KIAA0586: variants seen among roughly 807,000 people sequenced by gnomAD.
The protein encoded by KIAA0586 is protein TALPID3.
In KIAA0586, 144 loss-of-function variants were observed where a neutral mutation model predicts 169.8. The observed-to-expected ratio is 0.85, with a 90% CI of 0.74 to 0.97. The LOEUF is 0.97. KIAA0586 is among the 50% of genes least tolerant of loss of function. KIAA0586 has a pLI of 0.00. For synonymous variants in KIAA0586, 625 were observed against 612.4 expected (o/e 1.02, Z -0.30); for missense variants, 1,854 against 1,823.0 (o/e 1.02, Z -0.31).
chr14:58,444,860 T>G (rs1294347633), intron 6 of KIAA0586, among the ~76,000 whole-genome samples: 4 of 148,398 alleles, frequency 2.7e-5, no homozygotes, highest in African/African-American at 1.0e-4. Context: ...GAGGATTGCT[T>G]GAGGCCGAGA....
rs751707374 is a variant in KIAA0586, at chr14:58,517,555, CTGTT to C, written c.4429+4931_4429+4934del. Among the ~76,000 whole-genome samples the C allele has an allele frequency of 1.6e-4, 25 of 152,290 alleles. 1 individual carries two copies. The East Asian group carries it at 4.2e-3, about 26-fold the overall frequency. Reference sequence around the variant, plus strand: ...AGAATGCAACATGCACCTTGGAAAACTGTTTGACAGTTTCTTATAAAATTAAACA... The same window carrying C: ...AGAATGCAACATGCACCTTGGAAAACTGACAGTTTCTTATAAAATTAAACA... On this transcript the variant is annotated intron_variant, in intron 29 of 30. Coordinates refer to ENST00000652326, the MANE Select transcript of KIAA0586 (RefSeq NM_001329943.3).
intron 26 of KIAA0586, among the ~76,000 whole-genome samples, chr14:58,492,792 C>T (rs148785559): frequency 1.9e-3 from 293 of 152,280 alleles, no homozygotes; most frequent in East Asian, 0.011. Context: ...TAGGACTTTG[C>T]AGGCAGCAAC....
At chr14:58,507,094 G>C (rs953671254) in intron 27 of KIAA0586, among the ~76,000 whole-genome samples, 1 of 150,876 alleles carries the variant, frequency 6.6e-6, no homozygotes, top group Non-Finnish European at 1.5e-5. Flanking sequence ...GATGCAGGGG[G>C]CCATGATCAT....
At position 58,429,364 on chromosome 14, in the gene KIAA0586, T is replaced by C. The variant is rs750714192; in HGVS notation, c.201T>C (p.Gly67=). 4 of 1,574,652 alleles carry C rather than the reference T, an allele frequency of 2.5e-6. No individual in the cohort carries two copies. In the East Asian group the frequency reaches 6.7e-5, roughly 27 times the overall value. Residue 67 remains glycine (G), a splice_region_variant and synonymous_variant, in exon 2 of 31, where the codon GGT becomes GGC. Coordinates refer to ENST00000652326, the MANE Select transcript of KIAA0586 (RefSeq NM_001329943.3). ...AAATCTATTCCTTTGTTTTGTTAGG[T>C]TCATCAGACTTAACTTCTGCTAGAA... The part of the protein sequence containing the change: ...TGTSLNGTSR[G]SSDLTSARNC...
intron 30 of KIAA0586, among the ~76,000 whole-genome samples, chr14:58,541,727 A>C (rs2046646316): frequency 2.6e-5 from 4 of 152,250 alleles, no homozygotes; most frequent in Admixed American, 6.5e-5. Flanking sequence ...TAAAGCAAAA[A>C]ATTGGAATTT....
intron 29 of KIAA0586, among the ~76,000 whole-genome samples, chr14:58,527,211 G>C (rs951224851): frequency 6.6e-6 from 1 of 152,180 alleles, no homozygotes; most frequent in Non-Finnish European, 1.5e-5. Context: ...TATGTGAAAA[G>C]ACCAAACCTA....
intron 20 of KIAA0586, among the ~76,000 whole-genome samples, chr14:58,477,564 A>G (rs1566862951): frequency 6.6e-6 from 1 of 152,154 alleles, no homozygotes; most frequent in Non-Finnish European, 1.5e-5. Flanking sequence ...CACTCTTTAT[A>G]CTATAAATTA....
At chr14:58,536,599 C>T (rs977332019) in intron 29 of KIAA0586, among the ~76,000 whole-genome samples, 8 of 152,172 alleles carry the variant, frequency 5.3e-5, no homozygotes, top group Middle Eastern at 3.4e-3. Flanking sequence ...ATATTTTGAA[C>T]GACTATTTGA....
Position 58,482,707 on chromosome 14 carries a change from T to A in KIAA0586, c.3139T>A (p.Leu1047Met), listed in dbSNP as rs1555390967. 1 of 1,556,482 alleles carries A rather than the reference T, an allele frequency of 6.4e-7. No homozygotes were observed. Among genetic ancestry groups the A allele is most frequent in the Non-Finnish European group, 8.7e-7 (1 of 1,152,288 alleles). ...GGATGCTTCAACAAATGAAACATAT[T>A]TGCCGGTATGGGGAATTTTTGAGAC... is the stretch of plus-strand genomic sequence containing the variant. The part of the protein sequence containing the change: ...SGDASTNETY[L>M]PARVCTPLPT... The change falls in exon 21 of 31, where the codon TTG becomes ATG. Residue 1047 changes from leucine to methionine, a missense_variant. Coordinates refer to ENST00000652326, the MANE Select transcript of KIAA0586 (RefSeq NM_001329943.3).
intron 4 of KIAA0586, among the ~76,000 whole-genome samples, chr14:58,438,487 G>A (rs2038023766): frequency 6.6e-6 from 1 of 152,028 alleles, no homozygotes; most frequent in South Asian, 2.1e-4. Flanking sequence ...CTTGCTGTTT[G>A]GTATGAAAGA....
chr14:58,515,489 A>AT (rs1458310064), intron 29 of KIAA0586, among the ~76,000 whole-genome samples: 2 of 152,112 alleles, frequency 1.3e-5, no homozygotes, highest in African/African-American at 4.8e-5. Flanking sequence ...ACGTGCGCAA[A>AT]TTATTTTTCT....
chr14:58,493,627 A>G (rs2042962149), intron 26 of KIAA0586, among the ~76,000 whole-genome samples: 2 of 152,194 alleles, frequency 1.3e-5, no homozygotes, highest in South Asian at 2.1e-4. Context: ...AAGATATAAA[A>G]TTTAGTAATG....
chr14:58,427,967 G>C lies in KIAA0586; in HGVS notation c.-298G>C, dbSNP rs187063580. Reference sequence around the variant, plus strand: ...TGTTTGGTTTTGCCCTACCAGCTCTGGGGTTGGGGAGTGCACTGTTATGGT... The same window carrying C: ...TGTTTGGTTTTGCCCTACCAGCTCTCGGGTTGGGGAGTGCACTGTTATGGT... On this transcript the variant is annotated 5_prime_UTR_variant, in exon 1 of 31. Coordinates refer to ENST00000652326, the MANE Select transcript of KIAA0586 (RefSeq NM_001329943.3). 3 of 1,409,576 alleles carry C rather than the reference G, an allele frequency of 2.1e-6. No individual in the cohort carries two copies. The African/African-American group carries it at 4.3e-5, about 20-fold the overall frequency. 87.3% of individuals were successfully genotyped at this position (1,409,576 alleles called of 1,614,324 possible). A position where few individuals can be genotyped will look rare whatever the true frequency, so the allele number is the denominator to read the frequency against.
chr14:58,555,171 G>C (rs531511311), downstream of KIAA0586, among the ~76,000 whole-genome samples: 1 of 147,214 alleles, frequency 6.8e-6, no homozygotes, highest in South Asian at 2.1e-4. Context: ...CACAATCTCG[G>C]CTCACTTCAA....
chr14:58,561,964 A>C, the KIAA0586 span, among the ~76,000 whole-genome samples: 1 of 152,232 alleles, frequency 6.6e-6, no homozygotes, highest in South Asian at 2.1e-4. Flanking sequence ...CCTTTTCATG[A>C]AGGAGGGACT....
chr14:58,451,885 A>G (rs1478220295), intron 8 of KIAA0586, among the ~76,000 whole-genome samples: 1 of 151,986 alleles, frequency 6.6e-6, no homozygotes, highest in Non-Finnish European at 1.5e-5. Context: ...GGGTTTCACC[A>G]TGTTAGCCAG....
chr14:58,535,367 C>T (rs1291118782), intron 29 of KIAA0586, among the ~76,000 whole-genome samples: 1 of 149,874 alleles, frequency 6.7e-6, no homozygotes, highest in Non-Finnish European at 1.5e-5. Context: ...AAAAGGCAGG[C>T]ACTCTCTCTG....
rs1034623061 is a variant in KIAA0586 at position 58,547,641 on chromosome 14, G to A, written c.4496-140G>A. On this transcript the variant is annotated intron_variant, in intron 30 of 30. Coordinates refer to ENST00000652326, the MANE Select transcript of KIAA0586 (RefSeq NM_001329943.3). ...TCTCTGACAAGTTCTGAGCACCTTG[G>A]GACAAGAGAGTCCCTTGTAGGCAAT... 7.0e-6 allele frequency: 5 copies of A among 713,402 alleles called. No homozygotes were observed. The African/African-American group carries it at 8.9e-5, about 13-fold the overall frequency. 44.2% of individuals were successfully genotyped at this position (713,402 alleles called of 1,614,324 possible). A position where few individuals can be genotyped will look rare whatever the true frequency, so the allele number is the denominator to read the frequency against.
At chr14:58,472,492 C>T (rs906789328) in intron 18 of KIAA0586, among the ~76,000 whole-genome samples, 1 of 151,944 alleles carries the variant, frequency 6.6e-6, no homozygotes, top group Non-Finnish European at 1.5e-5. Context: ...TCATGATTAT[C>T]TGCCGTTCCC....
Sources: gnomAD v4.1 joint callset for allele counts (sites outside exome capture counted in the v4.1 genomes callset) on GRCh38, gnomAD v4.1.1 for gene constraint, MANE v1.5 for transcripts, NCBI Gene and HGNC (gene_info 2026-07-23, HGNC 2026-07-21) for gene names.